The following UST variants were observed in gnomAD, a reference collection of about 807,000 sequenced individuals.
The protein encoded by UST is chondroitin sulfate 2-O-sulfotransferase.
UST carries 21 observed loss-of-function variants against 45.6 expected under a neutral mutation model. The observed-to-expected ratio is 0.46, with a 90% CI of 0.33 to 0.66. UST has a LOEUF of 0.66. UST is among the 30% of genes least tolerant of loss of function. The pLI, the probability that UST is intolerant of heterozygous loss-of-function variation, is 0.02. For missense variants in UST, 463 were observed against 512.4 expected, an observed-to-expected ratio of 0.90 and a Z score of 0.93; for synonymous variants, 215 against 200.6, an observed-to-expected ratio of 1.07 and a Z score of -0.61.
At chr6:148,770,537 A>G (rs1349521172) in intron 1 of UST, among the ~76,000 whole-genome samples, 2 of 152,058 alleles carry the variant, frequency 1.3e-5, no homozygotes, top group African/African-American at 4.8e-5. Flanking sequence ...GCCACCGAAC[A>G]TTTTTAGACC....
At chr6:149,005,842 G>A (rs1233356812) in intron 5 of UST, among the ~76,000 whole-genome samples, 2 of 152,190 alleles carry the variant, frequency 1.3e-5, no homozygotes, top group Non-Finnish European at 2.9e-5. Context: ...GGGATGAAAG[G>A]CCCTCAAGAG....
chr6:148,908,751 A>G (rs1045851355), intron 2 of UST, among the ~76,000 whole-genome samples: 3 of 152,330 alleles, frequency 2.0e-5, no homozygotes, highest in Admixed American at 1.3e-4. Flanking sequence ...AAACGTGCCA[A>G]TGAAAGATCT....
intron 4 of UST, among the ~76,000 whole-genome samples, chr6:148,961,392 G>T (rs1780654719): frequency 1.3e-5 from 2 of 152,152 alleles, no homozygotes; most frequent in Admixed American, 6.5e-5. Flanking sequence ...CCTGTGATCA[G>T]CCGTAGTCAC....
chr6:149,015,063 G>A (rs1181607287), intron 5 of UST, among the ~76,000 whole-genome samples: 3 of 152,074 alleles, frequency 2.0e-5, no homozygotes, highest in Non-Finnish European at 4.4e-5. Flanking sequence ...GAGGCCTCAG[G>A]AAGGACTCTC....
intron 7 of UST, among the ~76,000 whole-genome samples, chr6:149,062,285 T>C (rs1395807741): frequency 1.3e-5 from 2 of 152,186 alleles, no homozygotes; most frequent in African/African-American, 2.4e-5. Context: ...TTTCCAGAAA[T>C]GGAAAGTTTG....
At chr6:148,755,017 C>G (rs895752022) in intron 1 of UST, among the ~76,000 whole-genome samples, 3 of 152,164 alleles carry the variant, frequency 2.0e-5, no homozygotes, top group Non-Finnish European at 4.4e-5. Context: ...AGAGATGTCA[C>G]AAAGATTGCT....
chr6:149,055,117 T>G (rs1006572075), intron 7 of UST, among the ~76,000 whole-genome samples: 1 of 151,996 alleles, frequency 6.6e-6, no homozygotes, highest in Non-Finnish European at 1.5e-5. Flanking sequence ...AATCATTTGG[T>G]AGAAGCCATT....
chr6:148,793,471 G>T (rs1330614960), intron 1 of UST, among the ~76,000 whole-genome samples: 1 of 152,180 alleles, frequency 6.6e-6, no homozygotes, highest in African/African-American at 2.4e-5. Context: ...CTGCAGAGGG[G>T]AGTGCCTGTT....
chr6:148,979,471 A>T (rs1170089427), intron 5 of UST, among the ~76,000 whole-genome samples: 1 of 152,162 alleles, frequency 6.6e-6, no homozygotes, highest in Non-Finnish European at 1.5e-5. Flanking sequence ...GAGACCCCAC[A>T]TCTCCCTGAC....
chr6:148,815,268 T>TA (rs1777333928), intron 1 of UST, among the ~76,000 whole-genome samples: 1 of 152,202 alleles, frequency 6.6e-6, no homozygotes, highest in Non-Finnish European at 1.5e-5. Context: ...AAGCTAATAG[T>TA]ATTAGTTGCC....
intron 1 of UST, among the ~76,000 whole-genome samples, chr6:148,867,451 CCTT>C (rs922730679): frequency 1.1e-4 from 17 of 152,036 alleles, no homozygotes; most frequent in African/African-American, 3.9e-4. Context: ...TCATTAATAT[CCTT>C]CTTCTTGATA....
rs74908464 is a variant in UST, at chr6:148,896,227, A to G, written c.291+9198A>G. ...TTGGTTAGCATCACTTTTACTTGCA[A>G]GAGTAGATTTCAGAGAAAAATGAAT... is the stretch of plus-strand genomic sequence containing the variant. On this transcript the variant is annotated intron_variant, in intron 2 of 7. Transcript: ENST00000367463. Among the ~76,000 whole-genome samples the G allele has an allele frequency of 4.5e-3, 692 of 152,338 alleles. 4 individuals carry two copies. Among genetic ancestry groups the G allele is most frequent in the Middle Eastern group, 0.017 (5 of 294 alleles).
intron 1 of UST, among the ~76,000 whole-genome samples, chr6:148,752,464 T>C (rs763042024): frequency 2.0e-5 from 3 of 152,216 alleles, no homozygotes; most frequent in Non-Finnish European, 4.4e-5. Context: ...AGTGGCACTA[T>C]ATTAGAGAAA....
In UST at chr6:149,019,249, G is replaced by A; in HGVS notation, c.779+13G>A. Reference sequence around the variant, plus strand: ...ATCCCAGATGCAGGTAAGGGCTAAAGCAGGGTCATGGCATGCACGTACGCA... The same window carrying A: ...ATCCCAGATGCAGGTAAGGGCTAAAACAGGGTCATGGCATGCACGTACGCA... On this transcript the variant is annotated intron_variant, in intron 6 of 7. Coordinates refer to ENST00000367463, the MANE Select transcript of UST (RefSeq NM_005715.3). 6.2e-7 allele frequency: 1 copy of A among 1,606,614 alleles called. No homozygotes were observed. Among genetic ancestry groups the A allele is most frequent in the Non-Finnish European group, 8.5e-7 (1 of 1,173,188 alleles).
intron 2 of UST, among the ~76,000 whole-genome samples, chr6:148,916,902 G>A (rs946718124): frequency 3.9e-5 from 6 of 152,212 alleles, no homozygotes; most frequent in African/African-American, 1.4e-4. Flanking sequence ...CTAACACAGA[G>A]GCAATTTCTT....
intron 1 of UST, among the ~76,000 whole-genome samples, chr6:148,814,177 T>C (rs765646922): frequency 6.6e-5 from 10 of 152,114 alleles, no homozygotes; most frequent in Non-Finnish European, 1.5e-4. Context: ...ACAGTTTGCA[T>C]TGATGATGAA....
chr6:148,787,564 C>T (rs892626989), intron 1 of UST, among the ~76,000 whole-genome samples: 10 of 152,114 alleles, frequency 6.6e-5, no homozygotes, highest in African/African-American at 2.4e-4. Context: ...GTTCTTGCAC[C>T]AGTACCATGC....
intron 1 of UST, among the ~76,000 whole-genome samples, chr6:148,858,940 A>G (rs1285702053): frequency 3.3e-5 from 5 of 152,154 alleles, no homozygotes; most frequent in Admixed American, 2.6e-4. Context: ...GCTGTTGTGA[A>G]TAGTGCCGCA....
chr6:149,012,803 TTA>T (rs199816596), intron 5 of UST, among the ~76,000 whole-genome samples: 99 of 87,312 alleles, frequency 1.1e-3, no homozygotes, highest in South Asian at 1.4e-3. Context: ...GAGTCACTAT[TTA>T]AAAAAAAAAA....
Sources: allele counts gnomAD v4.1 joint callset (sites outside exome capture counted in the v4.1 genomes callset), GRCh38; gene constraint gnomAD v4.1.1; transcripts MANE v1.5; gene names NCBI Gene and HGNC (gene_info 2026-07-23, HGNC 2026-07-21).